The following MTCL1 variants were observed in gnomAD, a reference collection of about 807,000 sequenced individuals.
MTCL1 encodes microtubule crosslinking factor 1.
Under a neutral mutation model 141.4 loss-of-function variants are expected in MTCL1, and 79 were observed. The ratio of observed to expected loss-of-function variants is 0.56; its 90% CI spans 0.47 to 0.67. The LOEUF is 0.67. Ranked by LOEUF, MTCL1 falls within the 30% of genes least tolerant of loss-of-function variation. The pLI, the probability that MTCL1 is intolerant of heterozygous loss-of-function variation, is 0.00. For missense variants in MTCL1, 2,177 were observed against 2,113.9 expected (o/e 1.03, Z -0.59); for synonymous variants, 914 against 875.8 (o/e 1.04, Z -0.77).
In MTCL1 at chr18:8,706,571, G is replaced by A. The variant is rs1156603898; in HGVS notation, c.911G>A (p.Gly304Glu). The A allele has an allele frequency of 1.3e-5, 19 of 1,454,168 alleles. No homozygotes were observed. In the Admixed American group the frequency reaches 4.4e-4, roughly 34 times the overall value. 90.1% of individuals were successfully genotyped at this position (1,454,168 alleles called of 1,614,324 possible). Residue 304 changes from glycine to glutamate, a missense_variant, in exon 1 of 14, where the codon GGG (glycine) becomes GAG (glutamate). By Grantham distance (98) the Gly-to-Glu change is moderately conservative (BLOSUM62 -2). Transcript: ENST00000306329. ...CCCGGCGTGGCGGAGGATGTCCGGGGGCGCTCGCCACCGGAGCGACCAGTC... is the reference window on the plus strand; with the variant it reads ...CCCGGCGTGGCGGAGGATGTCCGGGAGCGCTCGCCACCGGAGCGACCAGTC...
At position 8,807,181 on chromosome 18, in the gene MTCL1, G is replaced by A. The variant is rs1227940526; in HGVS notation, c.2604+121G>A. On this transcript the variant is annotated intron_variant, in intron 11 of 16. Coordinates refer to ENST00000359865, the Ensembl canonical transcript of MTCL1. ...GGGCTTCTTGTCCAGGAAAAAAAGAGAGGAGTGGCTGCTTGTGTCTCTTCT... is the reference window on the plus strand; with the variant it reads ...GGGCTTCTTGTCCAGGAAAAAAAGAAAGGAGTGGCTGCTTGTGTCTCTTCT... 1.5e-5 allele frequency: 16 copies of A among 1,049,448 alleles called. No individual in the cohort carries two copies. The East Asian group carries it at 4.0e-4, about 26-fold the overall frequency. The allele number at this position is 1,049,448 out of a possible 1,614,324, so 65.0% of individuals were successfully genotyped here.
chr18:8,816,067 T>C, intron 12 of MTCL1, among the ~76,000 whole-genome samples: 1 of 152,218 alleles, frequency 6.6e-6, no homozygotes, highest in East Asian at 1.9e-4. Flanking sequence ...GAAATTGAGG[T>C]AAAGCAATTA....
chr18:8,777,232 C>T (rs1285771190), intron 4 of MTCL1, among the ~76,000 whole-genome samples: 1 of 152,118 alleles, frequency 6.6e-6, no homozygotes, highest in East Asian at 1.9e-4. Flanking sequence ...TAGTGAGACT[C>T]CATCTCAAAT....
At chr18:8,796,599 C>A in intron 9 of MTCL1, 137 bp downstream of exon 8, 1 of 891,948 alleles carries the variant, frequency 1.1e-6, no homozygotes, top group Non-Finnish European at 1.7e-6. Context: ...TCTAATATTG[C>A]AAAAAAGATG....
intron 4 of MTCL1, among the ~76,000 whole-genome samples, chr18:8,776,961 G>A (rs535173972): frequency 1.6e-3 from 242 of 152,202 alleles, no homozygotes; most frequent in African/African-American, 5.6e-3. Flanking sequence ...GTGGCTGGGC[G>A]TGGTGGCTCA....
At chr18:8,785,814 C>G in intron 6 of MTCL1, 122 bp from the exon 6 acceptor site, 2 of 1,209,240 alleles carry the variant, frequency 1.7e-6, no homozygotes, top group Non-Finnish European at 2.3e-6. Flanking sequence ...AGTCGTCTCC[C>G]TTGTCCATTT....
At chr18:8,819,182 G>A (rs2076760790) in exon 13 of MTCL1, 1 of 1,614,230 alleles carries the variant, frequency 6.2e-7, no homozygotes, top group Non-Finnish European at 8.5e-7. Context: ...CTACCTGGAT[G>A]CCTTGTCCCT....
At chr18:8,824,502 C>T (rs1042516485) in intron 14 of MTCL1, among the ~76,000 whole-genome samples, 197 bp from the exon 14 acceptor site, 5 of 152,202 alleles carry the variant, frequency 3.3e-5, no homozygotes, top group Admixed American at 3.3e-4. Context: ...GGAACAATTC[C>T]AGAGCCACGC....
chr18:8,814,488 C>T (rs1405613042), intron 12 of MTCL1, among the ~76,000 whole-genome samples: 2 of 152,244 alleles, frequency 1.3e-5, no homozygotes, highest in Non-Finnish European at 1.5e-5. Flanking sequence ...TCCTTTCTGG[C>T]TTGGAAATGC....
At chr18:8,820,810 A>T (rs2076821206) in intron 13 of MTCL1, among the ~76,000 whole-genome samples, 1 of 152,108 alleles carries the variant, frequency 6.6e-6, no homozygotes, top group South Asian at 2.1e-4. Context: ...TGCTTCCCTT[A>T]CTGTTAGTCA....
At chr18:8,759,570 A>G (rs1340533495) in intron 4 of MTCL1, among the ~76,000 whole-genome samples, 7 of 152,196 alleles carry the variant, frequency 4.6e-5, no homozygotes, top group African/African-American at 1.7e-4. Context: ...AGAGGTTCTC[A>G]CTTGTCACAA....
chr18:8,733,705 C>G (rs552383037), intron 4 of MTCL1, among the ~76,000 whole-genome samples: 1 of 152,138 alleles, frequency 6.6e-6, no homozygotes, highest in Non-Finnish European at 1.5e-5. Flanking sequence ...TGTGCTTGGC[C>G]GTTAGTATCC....
chr18:8,774,277 T>TGTGTGTGTGTG (rs1260605558), intron 4 of MTCL1, among the ~76,000 whole-genome samples: 1 of 151,362 alleles, frequency 6.6e-6, no homozygotes, highest in African/African-American at 2.4e-5. Flanking sequence ...TGTGTGTGTA[T>TGTGTGTGTGTG]TTTTTTTTAA....
At chr18:8,749,027 TTTAG>T (rs1417059691) in intron 4 of MTCL1, among the ~76,000 whole-genome samples, 1 of 152,168 alleles carries the variant, frequency 6.6e-6, no homozygotes, top group Non-Finnish European at 1.5e-5. Flanking sequence ...CATCTCTACT[TTTAG>T]TTCTGTTATA....
intron 4 of MTCL1, among the ~76,000 whole-genome samples, chr18:8,730,984 T>C (rs2096247221): frequency 6.6e-6 from 1 of 152,104 alleles, no homozygotes; most frequent in South Asian, 2.1e-4. Context: ...GTGGCTCACG[T>C]CTGTTTTCCC....
intron 4 of MTCL1, among the ~76,000 whole-genome samples, chr18:8,773,917 A>C (rs897635325): frequency 6.6e-6 from 1 of 152,164 alleles, no homozygotes; most frequent in African/African-American, 2.4e-5. Context: ...TTGAATTTTT[A>C]TATCTAATAG....
intron 4 of MTCL1, among the ~76,000 whole-genome samples, chr18:8,724,136 T>A (rs2096191901): frequency 6.6e-6 from 1 of 152,152 alleles, no homozygotes; most frequent in South Asian, 2.1e-4. Context: ...ATGGTTTGTT[T>A]TCTGTTACGT....
At chr18:8,756,912 G>C (rs578199936) in intron 4 of MTCL1, among the ~76,000 whole-genome samples, 46 of 152,260 alleles carry the variant, frequency 3.0e-4, no homozygotes, top group African/African-American at 9.4e-4. Flanking sequence ...GTTGTCTAAG[G>C]CCCCAGTCCC....
chr18:8,747,290 G>A (rs2096344074), intron 4 of MTCL1, among the ~76,000 whole-genome samples: 2 of 152,216 alleles, frequency 1.3e-5, no homozygotes, highest in Admixed American at 1.3e-4. Flanking sequence ...TGCCTGCAGG[G>A]CATGCTATCT....
Sources: gnomAD v4.1 joint callset for allele counts (sites outside exome capture counted in the v4.1 genomes callset) on GRCh38, gnomAD v4.1.1 for gene constraint, MANE v1.5 for transcripts, NCBI Gene and HGNC (gene_info 2026-07-23, HGNC 2026-07-21) for gene names.